The following SVIL variants were observed in gnomAD, a reference collection of about 807,000 sequenced individuals.
SVIL encodes supervillin, also known as archvillin.
In SVIL, 101 loss-of-function variants were observed where a neutral mutation model predicts 240.4. That is an observed-to-expected ratio of 0.42 (90% confidence interval 0.36 to 0.50). The LOEUF (loss-of-function observed/expected upper bound fraction) is 0.50. Ranked by LOEUF, SVIL falls within the 20% of genes least tolerant of loss-of-function variation. The pLI is 0.01. For missense variants in SVIL, 2,512 were observed against 2,818.7 expected (o/e 0.89, Z 2.46); for synonymous variants, 999 against 1,100.0 (o/e 0.91, Z 1.82).
At chr10:29,566,294 C>T (rs1424644301) in intron 2 of SVIL, among the ~76,000 whole-genome samples, 1 of 152,236 alleles carries the variant, frequency 6.6e-6, no homozygotes, top group Admixed American at 6.5e-5. Flanking sequence ...ATTTTAGAAT[C>T]TGCAGCTTCC....
intron 12 of SVIL, among the ~76,000 whole-genome samples, chr10:29,528,655 T>C (rs560064145): frequency 1.3e-5 from 2 of 151,990 alleles, no homozygotes; most frequent in South Asian, 2.1e-4. Context: ...GGAGGGTCAA[T>C]TGAGCCCAGG....
intron 2 of SVIL, among the ~76,000 whole-genome samples, chr10:29,679,051 C>CA (rs1311770694): frequency 2.6e-5 from 4 of 152,082 alleles, no homozygotes; most frequent in African/African-American, 7.2e-5. Flanking sequence ...ACTAAAAATG[C>CA]AAAATTAGCC....
chr10:29,558,838 G>T (rs1954183578), intron 3 of SVIL, among the ~76,000 whole-genome samples: 1 of 150,980 alleles, frequency 6.6e-6, no homozygotes, highest in South Asian at 2.1e-4. Flanking sequence ...TGAGGCAGGA[G>T]AATTGCTTGA....
intron 1 of SVIL, among the ~76,000 whole-genome samples, chr10:29,628,375 A>C (rs1308688557): frequency 6.6e-6 from 1 of 152,240 alleles, no homozygotes; most frequent in Non-Finnish European, 1.5e-5. Flanking sequence ...AGAATGTATG[A>C]AAGAGTATTT....
intron 2 of SVIL, among the ~76,000 whole-genome samples, chr10:29,663,003 C>T (rs1959176359): frequency 6.6e-6 from 1 of 152,140 alleles, no homozygotes; most frequent in African/African-American, 2.4e-5. Context: ...GCCCTAGCTA[C>T]TTGGAAGGCT....
In SVIL at chr10:29,500,632, T is replaced by C. The variant is rs933125459; in HGVS notation, c.3517-1369A>G. Among the ~76,000 whole-genome samples, 27 of 152,308 alleles carry C rather than the reference T, an allele frequency of 1.8e-4. No homozygotes were observed. In the East Asian group the frequency reaches 2.7e-3, roughly 15 times the overall value. On this transcript the variant is annotated intron_variant, in intron 17 of 37. Coordinates refer to ENST00000355867, the MANE Select transcript of SVIL (RefSeq NM_021738.3). The stretch of plus-strand genomic sequence containing the variant: ...TGCTGCTAGCGCATCTGCTTTCAAA[T>C]TACTTCTGAGCACTACTCAACTTAT...
chr10:29,483,280 C>G (rs1479532021), intron 27 of SVIL: 2 of 152,182 alleles, frequency 1.3e-5, no homozygotes, highest in Admixed American at 1.3e-4. Context: ...GTGAGGGGGA[C>G]AAACCTGGGC....
intron 1 of SVIL, among the ~76,000 whole-genome samples, chr10:29,611,959 C>T (rs1409966993): frequency 6.6e-6 from 1 of 152,118 alleles, no homozygotes; most frequent in Non-Finnish European, 1.5e-5. Flanking sequence ...CCAAATGGCC[C>T]AGTGGGAGGG....
chr10:29,557,027 G>A (rs1302854009), intron 3 of SVIL, among the ~76,000 whole-genome samples: 1 of 152,002 alleles, frequency 6.6e-6, no homozygotes, highest in African/African-American at 2.4e-5. Flanking sequence ...AATATTAATA[G>A]GGTCCTGAGT....
At chr10:29,458,651 A>G in intron 36 of SVIL, 62 bp from the exon 37 acceptor site, 1 of 1,567,806 alleles carries the variant, frequency 6.4e-7, no homozygotes, top group Non-Finnish European at 8.6e-7. Flanking sequence ...TGTTTTATTA[A>G]GTGCTTACAG....
chr10:29,549,693 T>G (rs1953050864), intron 6 of SVIL, among the ~76,000 whole-genome samples: 1 of 138,540 alleles, frequency 7.2e-6, no homozygotes, highest in Non-Finnish European at 1.6e-5. Context: ...TATGCAGCCA[T>G]AAAAAAGGAT....
chr10:29,666,130 C>T (rs768828186), intron 2 of SVIL, among the ~76,000 whole-genome samples: 6 of 152,174 alleles, frequency 3.9e-5, no homozygotes, highest in African/African-American at 7.2e-5. Context: ...GTGGCCCAGG[C>T]TGGTCTCAAA....
intron 2 of SVIL, among the ~76,000 whole-genome samples, chr10:29,661,456 G>C (rs1167461033): frequency 6.6e-6 from 1 of 152,234 alleles, no homozygotes; most frequent in African/African-American, 2.4e-5. Flanking sequence ...GGGCACCGGA[G>C]AAAGGAGAAT....
intron 6 of SVIL, among the ~76,000 whole-genome samples, chr10:29,543,484 G>T (rs1038579291): frequency 1.3e-5 from 2 of 152,194 alleles, no homozygotes; most frequent in African/African-American, 2.4e-5. Flanking sequence ...CCTTAGGTCT[G>T]TTTCCCACGA....
At chr10:29,529,612 C>T in intron 12 of SVIL, 93 bp downstream of exon 12, 1 of 1,408,968 alleles carries the variant, frequency 7.1e-7, no homozygotes, top group South Asian at 1.6e-5. Context: ...TAAATCACCT[C>T]CCCAATGCCT....
At position 29,490,987 on chromosome 10, in the gene SVIL, G is replaced by T. The variant is rs149760829; in HGVS notation, c.4052C>A (p.Ala1351Glu). The change falls in exon 22 of 38, where the codon GCA (alanine) becomes GAA (glutamate). Residue 1351 changes from alanine to glutamate, a missense_variant. This residue lies in a region of SVIL where 272 missense variants were observed against 406.8 expected (regional missense o/e 0.67). Transcript: ENST00000355867. ...LTSSVAEHKR[A>E]VRPKRRVQAS... is the part of the protein sequence containing the mutation. Reference sequence around the variant, plus strand: ...CTGAACCCGGCGCTTGGGCCTAACTGCCCGCTTGTGCTCGGCCACGGAAGA... The same window carrying T: ...CTGAACCCGGCGCTTGGGCCTAACTTCCCGCTTGTGCTCGGCCACGGAAGA... The T allele has an allele frequency of 5.2e-4, 838 of 1,613,800 alleles. No individual in the cohort carries two copies. Among genetic ancestry groups the T allele is most frequent in the Non-Finnish European group, 6.8e-4 (797 of 1,179,832 alleles).
chr10:29,711,683 T>G, intron 1 of SVIL, among the ~76,000 whole-genome samples: 1 of 149,096 alleles, frequency 6.7e-6, no homozygotes, highest in East Asian at 2.0e-4. Context: ...TCACTTGAAC[T>G]CGGGAGGTAG....
At chr10:29,545,935 G>A (rs1008646247) in intron 6 of SVIL, among the ~76,000 whole-genome samples, 9 of 150,934 alleles carry the variant, frequency 6.0e-5, no homozygotes, top group African/African-American at 2.2e-4. Flanking sequence ...CATTCCCTTT[G>A]CCAGTCACAT....
chr10:29,592,463 C>T lies in SVIL; in HGVS notation c.-200-23151G>A, dbSNP rs931769112. On this transcript the variant is annotated intron_variant, in intron 1 of 37. Transcript: ENST00000355867. ...AAAAGCTGAATACATGTTGGTTTCT[C>T]ATTTCTGTTTCAAATTCTACCTAAG... Among the ~76,000 whole-genome samples, 10 of 152,310 alleles carry T rather than the reference C, an allele frequency of 6.6e-5. No homozygotes were observed. In the East Asian group the frequency reaches 1.9e-3, roughly 29 times the overall value.
Sources: allele counts gnomAD v4.1 joint callset (sites outside exome capture counted in the v4.1 genomes callset), GRCh38; gene constraint gnomAD v4.1.1; regional missense constraint gnomAD v4.1.1; transcripts MANE v1.5; gene names NCBI Gene and HGNC (gene_info 2026-07-23, HGNC 2026-07-21).